The following JAKMIP2 variants were observed in gnomAD, a reference collection of about 807,000 sequenced individuals.
JAKMIP2 encodes janus kinase and microtubule interacting protein 2.
JAKMIP2 carries 25 observed loss-of-function variants against 115.0 expected under a neutral mutation model. The ratio of observed to expected loss-of-function variants is 0.22; its 90% confidence interval spans 0.16 to 0.30. JAKMIP2 has a LOEUF of 0.30. Among genes scored for constraint, JAKMIP2 ranks in the 10% least tolerant of loss-of-function variants. The probability of loss-of-function intolerance (pLI) is 1.00; values close to 1 mark genes in which losing one functional copy is unlikely to be tolerated. For missense variants in JAKMIP2, 642 were observed against 957.6 expected, an observed-to-expected ratio of 0.67 and a Z score of 4.35; for synonymous variants, 334 against 343.6, an observed-to-expected ratio of 0.97 and a Z score of 0.31.
chr5:147,748,778 T>C (rs1754447052), intron 1 of JAKMIP2, among the ~76,000 whole-genome samples: 1 of 152,166 alleles, frequency 6.6e-6, no homozygotes. Flanking sequence ...TCATACCTTA[T>C]GCAAATAGCA....
At chr5:147,767,375 T>C (rs1392026246) in intron 1 of JAKMIP2, among the ~76,000 whole-genome samples, 1 of 152,172 alleles carries the variant, frequency 6.6e-6, no homozygotes, top group Non-Finnish European at 1.5e-5. Context: ...ATCTCAACAC[T>C]TCCTTTTCAC....
intron 1 of JAKMIP2, among the ~76,000 whole-genome samples, chr5:147,677,939 C>CA (rs1197042032): frequency 3.3e-5 from 5 of 152,134 alleles, no homozygotes; most frequent in Non-Finnish European, 7.4e-5. Context: ...CCTCCTAACT[C>CA]ACTGAAATTT....
intron 21 of JAKMIP2, among the ~76,000 whole-genome samples, chr5:147,600,309 A>G (rs548661194): frequency 6.6e-6 from 1 of 152,140 alleles, no homozygotes; most frequent in Non-Finnish European, 1.5e-5. Context: ...TGGAAGAAAG[A>G]ATATAGCCAG....
intron 12 of JAKMIP2, among the ~76,000 whole-genome samples, chr5:147,634,705 T>C (rs930736733): frequency 2.0e-5 from 3 of 152,148 alleles, no homozygotes; most frequent in Admixed American, 1.3e-4. Flanking sequence ...ACTCTGTATA[T>C]AACATATACA....
intron 19 of JAKMIP2, 84 bp from the exon 20 acceptor site, chr5:147,612,455 C>A: frequency 1.3e-6 from 1 of 746,820 alleles, no homozygotes; most frequent in Non-Finnish European, 2.2e-6. Context: ...AAACACGAAA[C>A]TTCCTATACA....
Position 147,764,884 on chromosome 5 carries a change from A to G in JAKMIP2, c.-149+17572T>C, listed in dbSNP as rs1222128012. On this transcript the variant is annotated intron_variant, in intron 1 of 21. Coordinates refer to ENST00000616793, the MANE Select transcript of JAKMIP2 (RefSeq NM_001270941.2). ...CTGGTGACAGAGTGAGACTCTGTCT[A>G]AAAGGGAAAGAAAGAAAGAAAGAAA... is the stretch of plus-strand genomic sequence containing the variant. Among the ~76,000 whole-genome samples the G allele has an allele frequency of 2.2e-5, 3 of 136,232 alleles. No individual in the cohort carries two copies. In the East Asian group the frequency reaches 6.8e-4, roughly 31 times the overall value. The allele number at this position is 136,232 out of a possible 152,430, so 89.4% of individuals were successfully genotyped here.
At chr5:147,617,545 G>T (rs1421779661) in intron 19 of JAKMIP2, among the ~76,000 whole-genome samples, 1 of 152,128 alleles carries the variant, frequency 6.6e-6, no homozygotes, top group East Asian at 1.9e-4. Flanking sequence ...TATCAGGCTT[G>T]TTTACGGACT....
At chr5:147,768,432 T>C (rs1283962314) in intron 1 of JAKMIP2, among the ~76,000 whole-genome samples, 1 of 152,190 alleles carries the variant, frequency 6.6e-6, no homozygotes, top group Non-Finnish European at 1.5e-5. Context: ...ATTTCACAAA[T>C]ACCTTTTTGC....
intron 20 of JAKMIP2, among the ~76,000 whole-genome samples, chr5:147,605,542 CA>C (rs1164195634): frequency 6.6e-6 from 1 of 152,096 alleles, no homozygotes; most frequent in Non-Finnish European, 1.5e-5. Flanking sequence ...ATCTAACAAT[CA>C]TGGGCATTTG....
At chr5:147,603,024 T>G (rs1755791119) in intron 20 of JAKMIP2, among the ~76,000 whole-genome samples, 1 of 152,128 alleles carries the variant, frequency 6.6e-6, no homozygotes, top group Non-Finnish European at 1.5e-5. Flanking sequence ...AGAATGAGAG[T>G]AATGGACGAA....
At chr5:147,780,100 A>T (rs566752148) in intron 1 of JAKMIP2, among the ~76,000 whole-genome samples, 1 of 152,292 alleles carries the variant, frequency 6.6e-6, no homozygotes, top group Admixed American at 6.5e-5. Context: ...TCTAAATGAA[A>T]TGATCCTAGC....
intron 20 of JAKMIP2, among the ~76,000 whole-genome samples, chr5:147,605,072 A>G (rs939866826): frequency 6.6e-6 from 1 of 151,686 alleles, no homozygotes; most frequent in Non-Finnish European, 1.5e-5. Flanking sequence ...GAGAACATGC[A>G]GTGTTTGGTT....
chr5:147,681,345 A>G (rs1439677986), intron 1 of JAKMIP2, among the ~76,000 whole-genome samples: 1 of 152,174 alleles, frequency 6.6e-6, no homozygotes, highest in Non-Finnish European at 1.5e-5. Flanking sequence ...GACTTTGCTC[A>G]TGCAATTCTT....
chr5:147,622,353 A>G (rs756379117), intron 17 of JAKMIP2, among the ~76,000 whole-genome samples: 2 of 152,220 alleles, frequency 1.3e-5, no homozygotes, highest in Non-Finnish European at 2.9e-5. Context: ...GTTATCAACC[A>G]ATGTACAGAA....
intron 1 of JAKMIP2, among the ~76,000 whole-genome samples, chr5:147,681,859 T>C (rs567414343): frequency 1.3e-5 from 2 of 151,934 alleles, no homozygotes; most frequent in African/African-American, 4.8e-5. Flanking sequence ...CTGGGCAACA[T>C]GGAGAAATCT....
chr5:147,618,387 C>CTTTTTAGAAAGCCCTCGCTTTGTTATAA (rs11269592), intron 18 of JAKMIP2, among the ~76,000 whole-genome samples: 9,309 of 152,254 alleles, frequency 0.061, 807 homozygotes, highest in African/African-American at 0.19. Flanking sequence ...TATACTTTTC[C>CTTTTTAGAAAGCCCTCGCTTTGTTATAA]TAACTGTAGT....
At chr5:147,743,516 G>A (rs1308388371) in intron 1 of JAKMIP2, among the ~76,000 whole-genome samples, 5 of 152,158 alleles carry the variant, frequency 3.3e-5, no homozygotes, top group Non-Finnish European at 1.5e-5. Context: ...TTAGGTTGAG[G>A]TTTGACACAC....
chr5:147,711,094 C>A (rs1372755854), intron 1 of JAKMIP2, among the ~76,000 whole-genome samples: 1 of 152,114 alleles, frequency 6.6e-6, no homozygotes, highest in East Asian at 1.9e-4. Flanking sequence ...TAAAAATTAA[C>A]TTTTTAATTT....
Position 147,629,750 on chromosome 5 carries a change from C to T in JAKMIP2, c.1876-4G>A, listed in dbSNP as rs766919897. On this transcript the variant is annotated splice_region_variant and splice_polypyrimidine_tract_variant and intron_variant, in intron 14 of 21. Transcript: ENST00000616793. ...TGAGATCAGGGATGTTCACATCCTG[C>T]AAAATCAAGCAGAAACTCATGTCAA... The T allele has an allele frequency of 6.2e-7, 1 of 1,610,552 alleles. No individual in the cohort carries two copies. The highest frequency in any genetic ancestry group is 8.5e-7 in the Non-Finnish European group (1 of 1,178,048).
Sources: gnomAD v4.1 joint callset for allele counts (sites outside exome capture counted in the v4.1 genomes callset) on GRCh38, gnomAD v4.1.1 for gene constraint, MANE v1.5 for transcripts, NCBI Gene and HGNC (gene_info 2026-07-23, HGNC 2026-07-21) for gene names.